The following CLPB variants were observed in gnomAD, a reference collection of about 807,000 sequenced individuals.
CLPB encodes the protein mitochondrial disaggregase.
CLPB carries 40 observed loss-of-function variants against 78.4 expected under a neutral mutation model. The ratio of observed to expected loss-of-function variants is 0.51; its 90% CI spans 0.40 to 0.66. The LOEUF is 0.66. CLPB is among the 30% of genes least tolerant of loss of function. The probability of loss-of-function intolerance (pLI) is 0.00; values close to 1 mark genes in which losing one functional copy is unlikely to be tolerated. For missense variants in CLPB, 780 were observed against 886.9 expected, an observed-to-expected ratio of 0.88 and a Z score of 1.53; for synonymous variants, 333 against 348.0, an observed-to-expected ratio of 0.96 and a Z score of 0.48.
chr11:72,407,686 G>T (rs573289959), intron 2 of CLPB, among the ~76,000 whole-genome samples: 1 of 147,632 alleles, frequency 6.8e-6, no homozygotes, highest in South Asian at 2.2e-4. Flanking sequence ...TCGTTCTGTC[G>T]CCCAGGCTGG....
At chr11:72,315,799 TG>T (rs1184422574) in intron 7 of CLPB, among the ~76,000 whole-genome samples, 3 of 152,180 alleles carry the variant, frequency 2.0e-5, no homozygotes, top group African/African-American at 7.2e-5. Context: ...GACACTAGCT[TG>T]GAGAACTCAG....
chr11:72,391,200 A>G (rs1002690130), intron 3 of CLPB, among the ~76,000 whole-genome samples: 1 of 151,626 alleles, frequency 6.6e-6, no homozygotes, highest in African/African-American at 2.4e-5. Flanking sequence ...AAAACAATGA[A>G]CTCCCTGCAG....
At chr11:72,428,658 A>G (rs1856457892) in intron 2 of CLPB, 1 of 152,270 alleles carries the variant, frequency 6.6e-6, no homozygotes, top group Non-Finnish European at 1.5e-5. Flanking sequence ...GGAGATTCTG[A>G]CAGGGTCATC....
In CLPB at chr11:72,317,167, C is replaced by T. The variant is rs1949959458; in HGVS notation, c.927G>A (p.Leu309=). The change falls in exon 7 of 16, where the codon CTG becomes CTA. Residue 309 remains leucine, a synonymous_variant. Coordinates refer to ENST00000538039, the MANE Select transcript of CLPB (RefSeq NM_001258392.3). The part of the protein sequence containing the change: ...REAEERRRFP[L]EQRLKEHIIG... ...TGATGTGCTCCTTTAGTCGCTGCTC[C>T]AGGGGGAAGCGGCGCCGCTCCTCAG... 1 of 1,612,584 alleles carries T rather than the reference C, an allele frequency of 6.2e-7. No homozygotes were observed. Among genetic ancestry groups the T allele is most frequent in the African/African-American group, 1.3e-5 (1 of 75,000 alleles).
At chr11:72,403,677 G>C (rs1470991063) in intron 2 of CLPB, among the ~76,000 whole-genome samples, 1 of 152,128 alleles carries the variant, frequency 6.6e-6, no homozygotes, top group Non-Finnish European at 1.5e-5. Flanking sequence ...TCAACTCAAG[G>C]AAAGATGGAA....
At chr11:72,420,674 T>C (rs376129383) in intron 2 of CLPB, among the ~76,000 whole-genome samples, 55 of 152,268 alleles carry the variant, frequency 3.6e-4, no homozygotes, top group African/African-American at 1.3e-3. Context: ...ACTTATATAG[T>C]ACAGGGTGCT....
intron 2 of CLPB, among the ~76,000 whole-genome samples, chr11:72,417,887 A>G (rs1489719512): frequency 6.6e-6 from 1 of 152,100 alleles, no homozygotes; most frequent in Non-Finnish European, 1.5e-5. Context: ...AGCCCTTGGG[A>G]ATTCCGGGGG....
intron 5 of CLPB, among the ~76,000 whole-genome samples, chr11:72,356,617 C>G (rs895969066): frequency 5.9e-5 from 9 of 152,076 alleles, no homozygotes; most frequent in African/African-American, 1.9e-4. Context: ...TGTATGCTGG[C>G]TAAAAAGGCA....
chr11:72,333,708 G>A (rs2135556958), intron 5 of CLPB, among the ~76,000 whole-genome samples: 1 of 152,278 alleles, frequency 6.6e-6, no homozygotes, highest in East Asian at 1.9e-4. Context: ...GGGGGCTCAG[G>A]AAGGAACAAA....
intron 5 of CLPB, chr11:72,354,298 T>TA: frequency 2.5e-6 from 1 of 394,776 alleles, no homozygotes; most frequent in Non-Finnish European, 4.4e-6. Context: ...TATATATATA[T>TA]AGCTAGTACC....
At chr11:72,420,485 C>T (rs1032859042) in intron 2 of CLPB, among the ~76,000 whole-genome samples, 2 of 151,688 alleles carry the variant, frequency 1.3e-5, no homozygotes, top group Non-Finnish European at 2.9e-5. Context: ...CAGAGCAAGA[C>T]TCCATCTCAG....
chr11:72,431,212 CA>C (rs1856536434), intron 1 of CLPB, among the ~76,000 whole-genome samples: 1 of 152,212 alleles, frequency 6.6e-6, no homozygotes, highest in East Asian at 1.9e-4. Context: ...ACTCAAAAGT[CA>C]ACAGGAGAGG....
intron 4 of CLPB, among the ~76,000 whole-genome samples, chr11:72,370,185 T>C (rs748876789): frequency 6.6e-6 from 1 of 152,204 alleles, no homozygotes; most frequent in Admixed American, 6.5e-5. Flanking sequence ...ACACAAAATA[T>C]GTAAATCAGT....
chr11:72,389,041 A>G (rs778371887), intron 3 of CLPB, among the ~76,000 whole-genome samples: 8 of 152,224 alleles, frequency 5.3e-5, no homozygotes, highest in Non-Finnish European at 1.0e-4. Context: ...AGGGTGAGGT[A>G]GAACAGATTA....
In CLPB at chr11:72,293,554, C is replaced by A. The variant is rs759500860; in HGVS notation, c.1847G>T (p.Gly616Val). The A allele has an allele frequency of 6.2e-7, 1 of 1,614,012 alleles. No homozygotes were observed. Among genetic ancestry groups the A allele is most frequent in the South Asian group, 1.1e-5 (1 of 91,050 alleles). ...CTCCACCGTGATGCGCAAAGTACAGCCCCCTGGCAGCAGGTCCTGCTCATA... is the reference window on the plus strand; with the variant it reads ...CTCCACCGTGATGCGCAAAGTACAGACCCCTGGCAGCAGGTCCTGCTCATA... ...AAYEQDLLPG[G>V]CTLRITVEDS... The change falls in exon 16 of 16, where the codon GGC becomes GTC. Residue 616 changes from glycine (G) to valine (V), a missense_variant. Gly to Val is a moderately radical substitution (Grantham distance 109). Coordinates refer to ENST00000538039, the MANE Select transcript of CLPB (RefSeq NM_001258392.3).
intron 2 of CLPB, among the ~76,000 whole-genome samples, chr11:72,413,661 G>C (rs1345815966): frequency 6.6e-6 from 1 of 152,092 alleles, no homozygotes; most frequent in Non-Finnish European, 1.5e-5. Flanking sequence ...ATGAAAGCCA[G>C]GATCAATATC....
chr11:72,324,047 G>C (rs1013969910), intron 6 of CLPB, among the ~76,000 whole-genome samples: 1 of 151,950 alleles, frequency 6.6e-6, no homozygotes, highest in Non-Finnish European at 1.5e-5. Context: ...GGATTTATAG[G>C]AATTAATTGT....
chr11:72,376,728 G>A (rs1854714445), intron 4 of CLPB, among the ~76,000 whole-genome samples: 1 of 152,104 alleles, frequency 6.6e-6, no homozygotes, highest in Non-Finnish European at 1.5e-5. Context: ...CTGTAATGCA[G>A]TGGTGTGATC....
chr11:72,421,576 C>A (rs368764266), intron 2 of CLPB, among the ~76,000 whole-genome samples: 1 of 152,114 alleles, frequency 6.6e-6, no homozygotes, highest in Non-Finnish European at 1.5e-5. Flanking sequence ...TGGAGGCCCC[C>A]GAGGAAACTG....
Sources: gnomAD v4.1 joint callset for allele counts (sites outside exome capture counted in the v4.1 genomes callset) on GRCh38, gnomAD v4.1.1 for gene constraint, MANE v1.5 for transcripts, NCBI Gene and HGNC (gene_info 2026-07-23, HGNC 2026-07-21) for gene names.